Variants in SYNE1 observed in about 807,000 individuals in gnomAD.
The protein encoded by SYNE1 is spectrin repeat containing nuclear envelope protein 1.
A neutral mutation model predicts 1,111.0 loss-of-function variants in SYNE1; 616 were observed. The ratio of observed to expected loss-of-function variants is 0.55; its 90% CI spans 0.52 to 0.59. The LOEUF (loss-of-function observed/expected upper bound fraction) is 0.59, where lower values mean the gene tolerates loss of function less well. SYNE1 is among the 20% of genes least tolerant of loss of function. The pLI is 0.00. For synonymous variants in SYNE1, 3,855 were observed against 3,825.8 expected, an observed-to-expected ratio of 1.01 and a Z score of -0.28; for missense variants, 10,006 against 10,417.0, an observed-to-expected ratio of 0.96 and a Z score of 1.72.
intron 58 of SYNE1, among the ~76,000 whole-genome samples, chr6:152,375,051 C>T (rs2097256446): frequency 6.6e-6 from 1 of 151,846 alleles, no homozygotes; most frequent in Non-Finnish European, 1.5e-5. Flanking sequence ...GGCAATTCTC[C>T]TGTCTCAGCC....
At chr6:152,364,397 G>A (rs942231785) in intron 63 of SYNE1, among the ~76,000 whole-genome samples, 1 of 150,244 alleles carries the variant, frequency 6.7e-6, no homozygotes, top group African/African-American at 2.4e-5. Flanking sequence ...TATTTCCTGG[G>A]TTTACCTCCC....
rs1414855229 is a variant in SYNE1, at chr6:152,395,531, T to A, written c.7697A>T (p.Glu2566Val). Residue 2566 changes from glutamate (E) to valine (V), a missense_variant, in exon 51 of 146, where the codon GAA (glutamate) becomes GTA (valine). Around this residue, in one of 7 missense-constraint regions of SYNE1, gnomAD observed 4,955 missense variants for 5,017.2 expected, o/e 0.99. Transcript: ENST00000367255. ...TGGACCATACCTTGCAGCCAGCAGT[T>A]CTCCCAAAAACATTTCAACTTTATG... is the stretch of plus-strand genomic sequence containing the variant. Reference protein sequence around the residue: ...EVHKVEMFLGELLAARESLDK... With the variant: ...EVHKVEMFLGVLLAARESLDK... 2 of 1,613,832 alleles carry A rather than the reference T, an allele frequency of 1.2e-6. No individual in the cohort carries two copies. Among genetic ancestry groups the A allele is most frequent in the South Asian group, 2.2e-5 (2 of 91,030 alleles).
At chr6:152,512,052 T>C (rs2099087743) in intron 6 of SYNE1, among the ~76,000 whole-genome samples, 1 of 152,084 alleles carries the variant, frequency 6.6e-6, no homozygotes, top group South Asian at 2.1e-4. Flanking sequence ...TTTCATGAAG[T>C]GTGTTATTAA....
chr6:152,284,241 G>C (rs2094194159), intron 95 of SYNE1, 69 bp from the exon 96 acceptor site: 1 of 1,501,412 alleles, frequency 6.7e-7, no homozygotes, highest in Admixed American at 1.8e-5. Context: ...AGCACTAGCT[G>C]AGTCTCACAT....
chr6:152,411,491 G>T (rs919263354), intron 42 of SYNE1, among the ~76,000 whole-genome samples: 5 of 151,950 alleles, frequency 3.3e-5, no homozygotes, highest in Admixed American at 6.6e-5. Flanking sequence ...AAGTCTGTGG[G>T]CGTTTTGATT....
chr6:152,447,837 G>C (rs1003160698), intron 28 of SYNE1, among the ~76,000 whole-genome samples: 1 of 152,180 alleles, frequency 6.6e-6, no homozygotes, highest in African/African-American at 2.4e-5. Flanking sequence ...TCTTGAATCA[G>C]CTTCATAATT....
chr6:152,182,595 A>C (rs1387292109), intron 128 of SYNE1, among the ~76,000 whole-genome samples: 1 of 152,214 alleles, frequency 6.6e-6, no homozygotes, highest in Admixed American at 6.5e-5. Flanking sequence ...TCCTTTTTAA[A>C]ATGAAAATGA....
chr6:152,512,157 A>G (rs2099088342), intron 6 of SYNE1, among the ~76,000 whole-genome samples: 1 of 152,192 alleles, frequency 6.6e-6, no homozygotes. Context: ...GTTTAAATTT[A>G]CTAGTTTTAC....
chr6:152,292,939 A>C (rs2094681280), intron 95 of SYNE1, among the ~76,000 whole-genome samples: 1 of 152,234 alleles, frequency 6.6e-6, no homozygotes, highest in African/African-American at 2.4e-5. Flanking sequence ...TAGACTGCTA[A>C]AGTATTAACC....
intron 13 of SYNE1, 144 bp downstream of exon 13, chr6:152,484,691 A>C (rs1564375526): frequency 1.2e-6 from 1 of 859,144 alleles, no homozygotes; most frequent in Non-Finnish European, 1.8e-6. Flanking sequence ...ACAAGGAGGC[A>C]AAGATTCTCC....
At chr6:152,241,527 T>TGA (rs1554263254) in intron 107 of SYNE1, among the ~76,000 whole-genome samples, 107 of 145,132 alleles carry the variant, frequency 7.4e-4, no homozygotes, top group African/African-American at 2.6e-3. Context: ...TGTGTGTGTG[T>TGA]GTGAAATACG....
intron 119 of SYNE1, among the ~76,000 whole-genome samples, chr6:152,220,071 G>GA (rs978487368): frequency 1.3e-5 from 2 of 152,066 alleles, no homozygotes; most frequent in African/African-American, 4.8e-5. Context: ...TTATGTGGAT[G>GA]AAAAAAGCAC....
At chr6:152,346,746 C>T (rs968892259) in intron 73 of SYNE1, among the ~76,000 whole-genome samples, 4 of 151,960 alleles carry the variant, frequency 2.6e-5, no homozygotes, top group Non-Finnish European at 5.9e-5. Context: ...GGAGGCGGAG[C>T]TTGCAGTGAG....
chr6:152,420,440 C>T (rs201618150), intron 39 of SYNE1, among the ~76,000 whole-genome samples: 1 of 152,066 alleles, frequency 6.6e-6, no homozygotes, highest in African/African-American at 2.4e-5. Flanking sequence ...GCCAACACAG[C>T]AAAACTCCAT....
At chr6:152,575,497 C>A (rs2099492728) in intron 3 of SYNE1, among the ~76,000 whole-genome samples, 1 of 152,126 alleles carries the variant, frequency 6.6e-6, no homozygotes, top group Non-Finnish European at 1.5e-5. Context: ...GCTTTAGAAT[C>A]TTAAAATAGT....
rs1347012925 is a variant in SYNE1 at position 152,460,519 on chromosome 6, CTTCTACTTTGT to C, written c.2394+1067_2394+1077del. 2.6e-5 allele frequency among the ~76,000 whole-genome samples: 4 copies of C among 152,030 alleles called. No homozygotes were observed. In the East Asian group the frequency reaches 5.8e-4, roughly 22 times the overall value. The stretch of plus-strand genomic sequence containing the variant: ...ACCTTTCTTTCCTATTTAACAGGGT[CTTCTACTTTGT>C]TTCTACTTTGTTTTCCCATTCTTCA... On this transcript the variant is annotated intron_variant, in intron 21 of 145. Transcript: ENST00000367255.
rs144459490 is a variant in SYNE1 at position 152,136,762 on chromosome 6, G to A, written c.25515C>T (p.Cys8505=). ...RKAIILSINL[C]SPEFTQADSK... ...TGTCAGCCTGGGTGAACTCAGGGCT[G>A]CAGAGATTGATGGAGAGGATGATGG... Residue 8505 remains cysteine, a synonymous_variant, in exon 141 of 146, where the codon TGC becomes TGT. Transcript: ENST00000367255. 7.4e-6 allele frequency: 12 copies of A among 1,614,244 alleles called. No homozygotes were observed. The Middle Eastern group carries it at 1.3e-3, about 178-fold the overall frequency.
chr6:152,147,711 A>G (rs1707011966), intron 137 of SYNE1: 1 of 333,166 alleles, frequency 3.0e-6, no homozygotes, highest in African/African-American at 2.2e-5. Flanking sequence ...TCCTGCCACC[A>G]CACTGCCATC....
intron 125 of SYNE1, among the ~76,000 whole-genome samples, chr6:152,207,226 A>G (rs553510155): frequency 2.6e-5 from 4 of 152,264 alleles, no homozygotes; most frequent in African/African-American, 9.6e-5. Context: ...GTGATGGGAA[A>G]GGGAGAAAAG....
Sources: gnomAD v4.1 joint callset for allele counts (sites outside exome capture counted in the v4.1 genomes callset) on GRCh38, gnomAD v4.1.1 for gene constraint, gnomAD v4.1.1 regional missense constraint, MANE v1.5 for transcripts, NCBI Gene and HGNC (gene_info 2026-07-23, HGNC 2026-07-21) for gene names.